Variants in SASS6 observed in about 807,000 individuals in gnomAD.
SASS6 encodes SAS-6 centriolar assembly protein, also known as spindle assembly abnormal protein 6 homolog.
In SASS6, 59 loss-of-function variants were observed where a neutral mutation model predicts 94.9. That is an observed-to-expected ratio of 0.62 (90% CI 0.50 to 0.77). SASS6 has a LOEUF of 0.77. SASS6 is among the 30% of genes least tolerant of loss of function. The probability of loss-of-function intolerance (pLI) is 0.00; values close to 1 mark genes in which losing one functional copy is unlikely to be tolerated. For synonymous variants in SASS6, 264 were observed against 270.0 expected (o/e 0.98, Z 0.22); for missense variants, 698 against 734.1 (o/e 0.95, Z 0.57).
At position 100,083,936 on chromosome 1, in the gene SASS6, T is replaced by C. The variant is rs74102340; in HGVS notation, c.*1392A>G. 2 of 142,956 alleles carry C rather than the reference T, an allele frequency of 1.4e-5. No individual in the cohort carries two copies. Among genetic ancestry groups the C allele is most frequent in the Non-Finnish European group, 2.9e-5 (2 of 67,810 alleles). 8.9% of individuals were successfully genotyped at this position (142,956 alleles called of 1,614,324 possible). The stretch of plus-strand genomic sequence containing the variant: ...CCTTCCATAGTATTTACAATAAAGC[T>C]CCTTCCAAAATCACCAAGAGGCTTC... On this transcript the variant is annotated 3_prime_UTR_variant, in exon 17 of 17. Coordinates refer to ENST00000287482, the MANE Select transcript of SASS6 (RefSeq NM_194292.3).
In SASS6 at chr1:100,123,218, A is replaced by G; in HGVS notation, c.198T>C (p.Asp66=). ...GAAAAAAATTTAGTTACCTTTGAAA[A>G]TCTTCCTCAGATATAACAAGGTTAT... ...FLYNLVISEE[D]FQSLKFQQGL... is the part of the protein sequence containing the mutation. The change falls in exon 3 of 17, where the codon GAT becomes GAC. Residue 66 remains aspartate, a synonymous_variant. Coordinates refer to ENST00000287482, the MANE Select transcript of SASS6 (RefSeq NM_194292.3). 1 of 1,433,374 alleles carries G rather than the reference A, an allele frequency of 7.0e-7. No individual in the cohort carries two copies. Among genetic ancestry groups the G allele is most frequent in the Non-Finnish European group, 9.7e-7 (1 of 1,033,146 alleles). 88.8% of individuals were successfully genotyped at this position (1,433,374 alleles called of 1,614,324 possible). A position where few individuals can be genotyped will look rare whatever the true frequency, so the allele number is the denominator to read the frequency against.
chr1:100,108,691 A>G (rs1653097018), intron 8 of SASS6, among the ~76,000 whole-genome samples: 1 of 152,102 alleles, frequency 6.6e-6, no homozygotes, highest in Admixed American at 6.5e-5. Context: ...TAGTGGTTTT[A>G]GGAGCACAAA....
chr1:100,110,535 TAC>T (rs1290243797), intron 7 of SASS6, 52 bp from the exon 8 acceptor site: 1 of 907,692 alleles, frequency 1.1e-6, no homozygotes, highest in Non-Finnish European at 1.6e-6. Context: ...AAATCAGAAA[TAC>T]AAATACAGAA....
In SASS6 at chr1:100,107,724, T is replaced by C. The variant is rs372332821; in HGVS notation, c.1057-7A>G. 4.2e-5 allele frequency: 66 copies of C among 1,582,868 alleles called. No homozygotes were observed. The African/African-American group carries it at 5.8e-4, about 14-fold the overall frequency. ...CATTTTCTTCTAAAACCACCTGATA[T>C]ATTTTTTAAAAACATGAATAATTAG... On this transcript the variant is annotated splice_region_variant and splice_polypyrimidine_tract_variant and intron_variant, in intron 9 of 16. Coordinates refer to ENST00000287482, the MANE Select transcript of SASS6 (RefSeq NM_194292.3).
At chr1:100,088,325 C>A in intron 14 of SASS6, 89 bp from the exon 15 acceptor site, 1 of 668,954 alleles carries the variant, frequency 1.5e-6, no homozygotes, top group South Asian at 1.7e-5. Flanking sequence ...GAGCCTTGCT[C>A]TGTTGCTTAA....
intron 4 of SASS6, 25 bp from the exon 5 acceptor site, chr1:100,121,574 T>C (rs369490448): frequency 7.4e-7 from 1 of 1,356,052 alleles, no homozygotes; most frequent in Non-Finnish European, 1.0e-6. Context: ...TGTTACATTA[T>C]AACACACTTA....
intron 1 of SASS6, among the ~76,000 whole-genome samples, chr1:100,126,631 G>A (rs1654642703): frequency 6.6e-6 from 1 of 152,046 alleles, no homozygotes; most frequent in Non-Finnish European, 1.5e-5. Context: ...ACAAAAACAA[G>A]CCAGGCGTGG....
rs1037458906 is a variant in SASS6 at position 100,107,860 on chromosome 1, G to T, written c.1006C>A (p.Gln336Lys). 1 of 1,612,480 alleles carries T rather than the reference G, an allele frequency of 6.2e-7. No homozygotes were observed. The highest frequency in any genetic ancestry group is 8.5e-7 in the Non-Finnish European group (1 of 1,178,808). The change falls in exon 9 of 17, where the codon CAG (glutamine) becomes AAG (lysine). Residue 336 changes from glutamine to lysine, a missense_variant. By Grantham distance (53) the Gln-to-Lys change is moderately conservative. Transcript: ENST00000287482. Reference sequence around the variant, plus strand: ...GCCTCTTTTGTTCTTAAAACAAGCTGGTCCTTATCCTTGATTTCCTGTTCT... The same window carrying T: ...GCCTCTTTTGTTCTTAAAACAAGCTTGTCCTTATCCTTGATTTCCTGTTCT... ...VLEQEIKDKD[Q>K]LVLRTKEAFD...
chr1:100,115,742 C>T (rs763645246), intron 7 of SASS6, among the ~76,000 whole-genome samples: 9 of 152,100 alleles, frequency 5.9e-5, no homozygotes, highest in South Asian at 2.1e-4. Context: ...GCAGAAGGAT[C>T]GCTGGAGGTT....
rs564606080 is a variant in SASS6, at chr1:100,099,902, C to T, written c.1674+3053G>A. ...AAAAAGATAAATCAATCATCTGGCCCGTTCCTCACTGCAGAAAATCCCTCA... is the reference window on the plus strand; with the variant it reads ...AAAAAGATAAATCAATCATCTGGCCTGTTCCTCACTGCAGAAAATCCCTCA... On this transcript the variant is annotated intron_variant, in intron 14 of 16. Coordinates refer to ENST00000287482, the MANE Select transcript of SASS6 (RefSeq NM_194292.3). Among the ~76,000 whole-genome samples the T allele has an allele frequency of 7.9e-5, 12 of 152,232 alleles. No individual in the cohort carries two copies. The South Asian group carries it at 2.5e-3, about 32-fold the overall frequency.
intron 2 of SASS6, among the ~76,000 whole-genome samples, chr1:100,124,010 T>C (rs957777864): frequency 4.6e-5 from 7 of 152,188 alleles, no homozygotes; most frequent in Admixed American, 2.0e-4. Context: ...AGTTACAAGA[T>C]GATGTAAAAC....
At chr1:100,111,505 A>AT (rs1422108433) in intron 7 of SASS6, among the ~76,000 whole-genome samples, 7 of 151,448 alleles carry the variant, frequency 4.6e-5, no homozygotes, top group South Asian at 2.1e-4. Context: ...TAAAATGATG[A>AT]TTTTTTTTGC....
Position 100,128,744 on chromosome 1 carries a change from T to C in SASS6, c.66-2802A>G, listed in dbSNP as rs911039241. Among the ~76,000 whole-genome samples, 7 of 152,230 alleles carry C rather than the reference T, an allele frequency of 4.6e-5. 1 individual carries two copies. The highest frequency in any genetic ancestry group is 1.7e-4 in the African/African-American group (7 of 41,458). ...CTCAATAGATGTCGTACTCAATAGA[T>C]GTCTAATACTAATGACATTAGATTT... On this transcript the variant is annotated intron_variant, in intron 1 of 16. Transcript: ENST00000287482.
chr1:100,085,535 C>T lies in SASS6; in HGVS notation c.1867+1G>A, dbSNP rs1290838813. ...ACAAAAATCCAGAAATCCCTGCTTA[C>T]CTGAATTACTAAATAGGTTCTGGCT... On this transcript the variant is annotated splice_donor_variant, in intron 16 of 16. Coordinates refer to ENST00000287482, the MANE Select transcript of SASS6 (RefSeq NM_194292.3). LOFTEE classifies it high-confidence loss of function. The T allele has an allele frequency of 1.2e-6, 2 of 1,607,802 alleles. No homozygotes were observed.
At chr1:100,089,462 T>C (rs772242483) in intron 14 of SASS6, among the ~76,000 whole-genome samples, 10 of 151,956 alleles carry the variant, frequency 6.6e-5, no homozygotes, top group East Asian at 1.9e-4. Context: ...AATTAACTTG[T>C]TGAAAATGAA....
chr1:100,124,640 C>A (rs975511153), intron 2 of SASS6, among the ~76,000 whole-genome samples: 2 of 152,220 alleles, frequency 1.3e-5, no homozygotes, highest in African/African-American at 4.8e-5. Context: ...TTCAGCCTCC[C>A]AAAGTGCTGG....
Position 100,107,610 on chromosome 1 carries a change from A to C in SASS6, c.1146+18T>G. The C allele has an allele frequency of 6.4e-7, 1 of 1,571,214 alleles. No homozygotes were observed. Among genetic ancestry groups the C allele is most frequent in the Non-Finnish European group, 8.7e-7 (1 of 1,153,280 alleles). ...GTAATTTAATGAAATACTAGTCTAT[A>C]AAATTTTTAAAACAAACCTTCAGAA... On this transcript the variant is annotated intron_variant, in intron 10 of 16. Coordinates refer to ENST00000287482, the MANE Select transcript of SASS6 (RefSeq NM_194292.3).
chr1:100,131,032 G>T (rs1266447907), intron 1 of SASS6, among the ~76,000 whole-genome samples: 1 of 152,156 alleles, frequency 6.6e-6, no homozygotes, highest in African/African-American at 2.4e-5. Flanking sequence ...AACTGTGATG[G>T]CAATGTAACC....
intron 7 of SASS6, among the ~76,000 whole-genome samples, chr1:100,116,877 G>A (rs908547543): frequency 6.6e-6 from 1 of 151,970 alleles, no homozygotes; most frequent in African/African-American, 2.4e-5. Flanking sequence ...AACCTAGAGG[G>A]GTGGTCCAAT....
Sources: allele counts gnomAD v4.1 joint callset (sites outside exome capture counted in the v4.1 genomes callset), GRCh38; gene constraint gnomAD v4.1.1; transcripts MANE v1.5; gene names NCBI Gene and HGNC (gene_info 2026-07-23, HGNC 2026-07-21).